Variants in TBX20 observed in about 807,000 individuals in gnomAD.
The protein encoded by TBX20 is T-box transcription factor TBX20.
TBX20 carries 8 observed loss-of-function variants against 42.9 expected under a neutral mutation model. The observed-to-expected ratio is 0.19, with a 90% CI of 0.11 to 0.34. The LOEUF is 0.34. Among genes scored for constraint, TBX20 ranks in the 10% least tolerant of loss-of-function variants. TBX20 has a pLI of 1.00. For synonymous variants in TBX20, 198 were observed against 222.8 expected (o/e 0.89, Z 0.99); for missense variants, 411 against 566.0 (o/e 0.73, Z 2.78).
chr7:35,225,608 A>G, intron 6 of TBX20, among the ~76,000 whole-genome samples: 1 of 152,252 alleles, frequency 6.6e-6, no homozygotes, highest in East Asian at 1.9e-4. Flanking sequence ...AAAGTGCTAC[A>G]TAACACAGGA....
intron 5 of TBX20, among the ~76,000 whole-genome samples, chr7:35,232,839 A>G (rs1789893259): frequency 6.6e-6 from 1 of 152,150 alleles, no homozygotes; most frequent in South Asian, 2.1e-4. Context: ...CCTGACCAAC[A>G]TGGTGAAACC....
chr7:35,250,806 G>A (rs187882416), intron 1 of TBX20, among the ~76,000 whole-genome samples: 36 of 152,310 alleles, frequency 2.4e-4, no homozygotes, highest in African/African-American at 7.9e-4. Flanking sequence ...CAGTTTTCTA[G>A]GCTTTATGAT....
chr7:35,234,005 A>C (rs2128713768), intron 5 of TBX20, among the ~76,000 whole-genome samples: 1 of 152,352 alleles, frequency 6.6e-6, no homozygotes, highest in South Asian at 2.1e-4. Context: ...TTCAAACTGA[A>C]ACTGTGAGGT....
chr7:35,253,785 C>T lies in TBX20; in HGVS notation c.-165G>A, dbSNP rs1232455526. 8.4e-6 allele frequency: 7 copies of T among 829,836 alleles called. No homozygotes were observed. Among genetic ancestry groups the T allele is most frequent in the Non-Finnish European group, 1.1e-5 (6 of 543,058 alleles). The allele number at this position is 829,836 out of a possible 1,614,324, so 51.4% of individuals were successfully genotyped here. On this transcript the variant is annotated 5_prime_UTR_variant, in exon 1 of 8. The change creates a new upstream start codon in the 5' untranslated region. Coordinates refer to ENST00000408931, the MANE Select transcript of TBX20 (RefSeq NM_001077653.2). The stretch of plus-strand genomic sequence containing the variant: ...GCTCCAACGACTCCAGAGCTGCACA[C>T]TGGCCTCTATTCCCCACCGCAAAGC...
Position 35,249,945 on chromosome 7 carries a change from A to T in TBX20, c.380+6T>A. 6.3e-7 allele frequency: 1 copy of T among 1,595,652 alleles called. No homozygotes were observed. Among genetic ancestry groups the T allele is most frequent in the South Asian group, 1.1e-5 (1 of 87,920 alleles). On this transcript the variant is annotated splice_donor_region_variant and intron_variant, in intron 2 of 7. Transcript: ENST00000408931. This position sits in a 1 kb window ranked among gnomAD's most constrained non-coding sequence, Gnocchi z 4.3. ...CCCCAACCCCCAACCCCCAAGTCCC[A>T]ACTACCTGCCCGACTTGGTGATGAT... is the stretch of plus-strand genomic sequence containing the variant.
Position 35,202,605 on chromosome 7 carries a change from T to C in TBX20, c.1169A>G (p.Tyr390Cys). The change falls in exon 8 of 8, where the codon TAT becomes TGT. Residue 390 changes from tyrosine to cysteine, a missense_variant. Physicochemically the swap from Tyr to Cys is radical, Grantham distance 194. Transcript: ENST00000408931. ...TGTCAGAGGCATTCCCAGTCGGCTA[T>C]ATGGTGGCAGAGAACCCTGGATGGG... ...PHPIQGSLPP[Y>C]SRLGMPLTPS... is the part of the protein sequence containing the mutation. The C allele has an allele frequency of 1.9e-6, 3 of 1,613,934 alleles. No homozygotes were observed. Among genetic ancestry groups the C allele is most frequent in the Non-Finnish European group, 1.7e-6 (2 of 1,179,906 alleles).
Position 35,204,578 on chromosome 7 carries a change from T to C in TBX20, c.895A>G (p.Ser299Gly), listed in dbSNP as rs879081798. Residue 299 changes from serine to glycine, a missense_variant, in exon 7 of 8, where the codon AGT (serine) becomes GGT (glycine). Around this residue, in one of 5 missense-constraint regions of TBX20, gnomAD observed 162 missense variants for 205.4 expected, o/e 0.79. Transcript: ENST00000408931. ...TGCTTTTGAATCAGGCTCTCCACAC[T>C]TTCCCTAGGTTAGAGTGACATATCA... The part of the protein sequence containing the change: ...SSRLTDIERE[S>G]VESLIQKHSY... The C allele has an allele frequency of 7.4e-6, 12 of 1,611,500 alleles. No homozygotes were observed. Among genetic ancestry groups the C allele is most frequent in the Non-Finnish European group, 1.0e-5 (12 of 1,177,902 alleles).
chr7:35,230,342 A>T (rs1194305093), intron 6 of TBX20, among the ~76,000 whole-genome samples: 4 of 152,154 alleles, frequency 2.6e-5, no homozygotes, highest in Non-Finnish European at 5.9e-5. Flanking sequence ...ATGGATTTTC[A>T]ATCACAAGCT....
intron 6 of TBX20, among the ~76,000 whole-genome samples, chr7:35,210,556 T>C (rs1345356945): frequency 6.6e-6 from 1 of 152,206 alleles, no homozygotes; most frequent in African/African-American, 2.4e-5. Context: ...CCAACCATTA[T>C]TGTATATTTG....
At chr7:35,248,865 T>C (rs746627358) in intron 2 of TBX20, 24 bp from the exon 3 acceptor site, 1 of 1,610,274 alleles carries the variant, frequency 6.2e-7, no homozygotes, top group East Asian at 2.2e-5. Context: ...AGAGAGAGAA[T>C]GGGCCCTGTT....
At chr7:35,218,486 A>T (rs1182862076) in intron 6 of TBX20, among the ~76,000 whole-genome samples, 1 of 152,128 alleles carries the variant, frequency 6.6e-6, no homozygotes, top group Non-Finnish European at 1.5e-5. Flanking sequence ...ACTTCAAAAT[A>T]CATACTTCTT....
intron 3 of TBX20, 72 bp from the exon 4 acceptor site, chr7:35,245,129 T>C (rs2128715292): frequency 8.8e-7 from 1 of 1,130,862 alleles, no homozygotes; most frequent in Non-Finnish European, 1.3e-6. Context: ...TAAAATGTTC[T>C]AATTCTAAGG....
At chr7:35,241,426 G>A (rs1183249918) in intron 4 of TBX20, among the ~76,000 whole-genome samples, 1 of 152,172 alleles carries the variant, frequency 6.6e-6, no homozygotes, top group Admixed American at 6.5e-5. Context: ...ATTCTAAGAG[G>A]CCAGATTATT....
rs1163003479 is a variant in TBX20, at chr7:35,253,920, C to T, written c.-300G>A. On this transcript the variant is annotated 5_prime_UTR_variant, in exon 1 of 8. Transcript: ENST00000408931. Reference sequence around the variant, plus strand: ...CGGCAGGACGACAGTCTGCACAGCCCGAAGGCGGAAACGAGCATCAACTGC... The same window carrying T: ...CGGCAGGACGACAGTCTGCACAGCCTGAAGGCGGAAACGAGCATCAACTGC... The T allele has an allele frequency of 2.7e-6, 1 of 373,892 alleles. No homozygotes were observed. Among genetic ancestry groups the T allele is most frequent in the Non-Finnish European group, 4.9e-6 (1 of 203,870 alleles). The allele number at this position is 373,892 out of a possible 1,614,324, so 23.2% of individuals were successfully genotyped here. A position where few individuals can be genotyped will look rare whatever the true frequency, so the allele number is the denominator to read the frequency against.
intron 3 of TBX20, 41 bp downstream of exon 3, chr7:35,248,636 G>A (rs200561266): frequency 2.4e-4 from 386 of 1,602,554 alleles, no homozygotes; most frequent in Non-Finnish European, 3.0e-4. Context: ...TCTGACAGAT[G>A]CACTAACAGT....
intron 7 of TBX20, among the ~76,000 whole-genome samples, chr7:35,203,857 G>A (rs1413526653): frequency 3.9e-5 from 6 of 152,120 alleles, no homozygotes; most frequent in Admixed American, 2.6e-4. Context: ...CTCCCCATAC[G>A]AACTTTACTG....
At chr7:35,253,361 A>G (rs1790341397) in intron 1 of TBX20, 133 bp downstream of exon 1, 2 of 1,083,048 alleles carry the variant, frequency 1.8e-6, no homozygotes, top group Admixed American at 2.4e-5. Flanking sequence ...CCCAAAAGAA[A>G]AAGATCTCCC....
chr7:35,212,479 T>C (rs972204679), intron 6 of TBX20, among the ~76,000 whole-genome samples: 7 of 152,320 alleles, frequency 4.6e-5, no homozygotes, highest in African/African-American at 1.4e-4. Context: ...ATTGTGAATT[T>C]TGTCAGGTGC....
At chr7:35,224,292 C>T (rs1357347465) in intron 6 of TBX20, among the ~76,000 whole-genome samples, 2 of 152,114 alleles carry the variant, frequency 1.3e-5, no homozygotes, top group African/African-American at 4.8e-5. Context: ...GGTACAAAAC[C>T]AACTAATTGT....
Sources: gnomAD v4.1 joint callset for allele counts (sites outside exome capture counted in the v4.1 genomes callset) on GRCh38, gnomAD v4.1.1 for gene constraint, gnomAD v4.1.1 regional missense constraint, Gnocchi (gnomAD v3.1) non-coding constraint, MANE v1.5 for transcripts, NCBI Gene and HGNC (gene_info 2026-07-23, HGNC 2026-07-21) for gene names.